HS6ST3: variants seen among roughly 807,000 people sequenced by gnomAD.
The protein encoded by HS6ST3 is heparan-sulfate 6-O-sulfotransferase 3.
HS6ST3 carries 12 observed loss-of-function variants against 36.7 expected under a neutral mutation model. The observed-to-expected ratio is 0.33, with a 90% CI of 0.21 to 0.53. The LOEUF is 0.53. Among genes scored for constraint, HS6ST3 ranks in the 20% least tolerant of loss-of-function variants. The pLI is 0.95. For synonymous variants in HS6ST3, 240 were observed against 257.5 expected, an observed-to-expected ratio of 0.93 and a Z score of 0.65; for missense variants, 584 against 640.9, an observed-to-expected ratio of 0.91 and a Z score of 0.96.
intron 1 of HS6ST3, among the ~76,000 whole-genome samples, chr13:96,767,773 T>C (rs1243308531): frequency 6.6e-6 from 1 of 152,148 alleles, no homozygotes; most frequent in East Asian, 1.9e-4. Context: ...GCATAGTACA[T>C]ATGTAGTCCA....
chr13:96,350,077 C>A (rs2055174507), intron 1 of HS6ST3, among the ~76,000 whole-genome samples: 1 of 151,978 alleles, frequency 6.6e-6, no homozygotes, highest in Admixed American at 6.6e-5. Context: ...GACTCCAAAT[C>A]TGCAGAGTTC....
At position 96,616,982 on chromosome 13, in the gene HS6ST3, G is replaced by A. The variant is rs577039500; in HGVS notation, c.708-215508G>A. ...GGTCATCTCTTCTTTCCGTAAATGT[G>A]TTCAAGAAACATAAGAGTTCAGAGT... On this transcript the variant is annotated intron_variant, in intron 1 of 1. Coordinates refer to ENST00000376705, the MANE Select transcript of HS6ST3 (RefSeq NM_153456.4). Among the ~76,000 whole-genome samples, 140 of 152,310 alleles carry A rather than the reference G, an allele frequency of 9.2e-4. 1 individual carries two copies. Among genetic ancestry groups the A allele is most frequent in the Non-Finnish European group, 1.6e-3 (110 of 68,026 alleles).
intron 1 of HS6ST3, among the ~76,000 whole-genome samples, chr13:96,715,148 G>T (rs997123054): frequency 1.3e-5 from 2 of 152,006 alleles, no homozygotes; most frequent in African/African-American, 4.8e-5. Context: ...AAGAAGTAGG[G>T]CTACATATAT....
chr13:96,716,599 T>G (rs533812876), intron 1 of HS6ST3, among the ~76,000 whole-genome samples: 1 of 152,288 alleles, frequency 6.6e-6, no homozygotes, highest in South Asian at 2.1e-4. Context: ...TGATCTATTA[T>G]CTATGATCTA....
At chr13:96,388,786 T>C (rs2055381311) in intron 1 of HS6ST3, among the ~76,000 whole-genome samples, 1 of 152,122 alleles carries the variant, frequency 6.6e-6, no homozygotes, top group South Asian at 2.1e-4. Flanking sequence ...CCTAATGGTT[T>C]TATAAGCGTC....
At chr13:96,280,944 C>T (rs928822078) in intron 1 of HS6ST3, among the ~76,000 whole-genome samples, 14 of 152,122 alleles carry the variant, frequency 9.2e-5, no homozygotes, top group Non-Finnish European at 2.1e-4. Flanking sequence ...ACTGGTTTTT[C>T]GTATCCTGCT....
intron 1 of HS6ST3, among the ~76,000 whole-genome samples, chr13:96,365,627 T>C (rs908207405): frequency 2.6e-5 from 4 of 152,234 alleles, no homozygotes; most frequent in Non-Finnish European, 5.9e-5. Flanking sequence ...GTGTCAACTG[T>C]AACATGTATT....
intron 1 of HS6ST3, among the ~76,000 whole-genome samples, chr13:96,300,260 T>C (rs141308366): frequency 6.7e-4 from 102 of 152,016 alleles, no homozygotes; most frequent in African/African-American, 2.4e-3. Flanking sequence ...TTTCACCATG[T>C]TGGCCAGGCT....
intron 1 of HS6ST3, among the ~76,000 whole-genome samples, chr13:96,756,669 A>G (rs1203558424): frequency 6.6e-6 from 1 of 152,212 alleles, no homozygotes; most frequent in African/African-American, 2.4e-5. Context: ...GTCCCAGTAT[A>G]GTTGTATTTT....
intron 1 of HS6ST3, among the ~76,000 whole-genome samples, chr13:96,725,484 A>G (rs1309470214): frequency 6.6e-6 from 1 of 152,054 alleles, no homozygotes; most frequent in African/African-American, 2.4e-5. Flanking sequence ...CTTTTTTTCT[A>G]CGTTTTGAGT....
chr13:96,136,265 A>G (rs1169978004), intron 1 of HS6ST3, among the ~76,000 whole-genome samples: 3 of 152,192 alleles, frequency 2.0e-5, no homozygotes, highest in Non-Finnish European at 1.5e-5. Context: ...CTTCTATAAA[A>G]CAATACTTGA....
intron 1 of HS6ST3, among the ~76,000 whole-genome samples, chr13:96,136,926 G>A (rs1421151540): frequency 6.6e-6 from 1 of 151,952 alleles, no homozygotes; most frequent in Non-Finnish European, 1.5e-5. Flanking sequence ...ACTTTGTGGT[G>A]TGAAAGGGTC....
In HS6ST3 at chr13:96,388,190, G is replaced by T. The variant is rs147886047; in HGVS notation, c.707+296621G>T. ...AAGAGCTTAATCATGGAGCAATTGT[G>T]AACAAATTCTATATGGCTATCCAGA... On this transcript the variant is annotated intron_variant, in intron 1 of 1. Transcript: ENST00000376705. Among the ~76,000 whole-genome samples, 121 of 152,272 alleles carry T rather than the reference G, an allele frequency of 7.9e-4. 3 individuals carry two copies. The highest frequency in any genetic ancestry group is 2.8e-3 in the African/African-American group (118 of 41,564).
chr13:96,534,373 C>T (rs2056147185), intron 1 of HS6ST3, among the ~76,000 whole-genome samples: 1 of 152,178 alleles, frequency 6.6e-6, no homozygotes, highest in Non-Finnish European at 1.5e-5. Flanking sequence ...ATACCCACTT[C>T]TTTGAAATTC....
chr13:96,280,148 C>T (rs1439572487), intron 1 of HS6ST3, among the ~76,000 whole-genome samples: 2 of 152,042 alleles, frequency 1.3e-5, no homozygotes, highest in African/African-American at 4.8e-5. Context: ...AGTATTAGCT[C>T]CTGGATGGTT....
chr13:96,428,117 G>C (rs771808755), intron 1 of HS6ST3, among the ~76,000 whole-genome samples: 7 of 152,158 alleles, frequency 4.6e-5, no homozygotes, highest in Non-Finnish European at 1.0e-4. Flanking sequence ...CACAGATGTG[G>C]TGGGCAGATC....
chr13:96,392,195 C>T (rs1248955661), intron 1 of HS6ST3, among the ~76,000 whole-genome samples: 1 of 152,200 alleles, frequency 6.6e-6, no homozygotes, highest in East Asian at 1.9e-4. Context: ...TCAGCACATA[C>T]CTGTAGGCTG....
At chr13:96,618,920 C>T (rs921705896) in intron 1 of HS6ST3, among the ~76,000 whole-genome samples, 6 of 152,000 alleles carry the variant, frequency 3.9e-5, no homozygotes, top group Non-Finnish European at 8.8e-5. Flanking sequence ...CAAGAGCCTG[C>T]ATGCTTCTCA....
chr13:96,215,683 A>G (rs2054422263), intron 1 of HS6ST3, among the ~76,000 whole-genome samples: 1 of 144,130 alleles, frequency 6.9e-6, no homozygotes, highest in Admixed American at 6.9e-5. Context: ...ATTTTTTTTT[A>G]TCAAAGTAAT....
Sources: gnomAD v4.1 joint callset for allele counts (sites outside exome capture counted in the v4.1 genomes callset) on GRCh38, gnomAD v4.1.1 for gene constraint, MANE v1.5 for transcripts, NCBI Gene and HGNC (gene_info 2026-07-23, HGNC 2026-07-21) for gene names.